SPAG16: variants seen among roughly 807,000 people sequenced by gnomAD.
SPAG16 encodes sperm associated antigen 16.
SPAG16 carries 86 observed loss-of-function variants against 80.4 expected under a neutral mutation model. The observed-to-expected ratio is 1.07, with a 90% confidence interval of 0.90 to 1.28. The LOEUF (loss-of-function observed/expected upper bound fraction) is 1.28. Among genes scored for constraint, SPAG16 ranks in the 50% most tolerant of loss-of-function variants. The pLI is 0.00. For missense variants in SPAG16, 870 were observed against 765.3 expected, an observed-to-expected ratio of 1.14 and a Z score of -1.61; for synonymous variants, 294 against 265.9, an observed-to-expected ratio of 1.11 and a Z score of -1.03.
At chr2:213,313,304 A>C (rs1017610107) in intron 4 of SPAG16, among the ~76,000 whole-genome samples, 1 of 151,946 alleles carries the variant, frequency 6.6e-6, no homozygotes, top group East Asian at 1.9e-4. Context: ...TAACATGTTT[A>C]TTAAATATGA....
chr2:213,326,926 G>A (rs563368603), intron 5 of SPAG16, among the ~76,000 whole-genome samples: 6 of 151,888 alleles, frequency 4.0e-5, no homozygotes, highest in South Asian at 4.1e-4. Context: ...TGAAAATGGA[G>A]TTTTGGGGCA....
At chr2:213,405,613 C>A (rs2068571180) in intron 9 of SPAG16, among the ~76,000 whole-genome samples, 1 of 152,162 alleles carries the variant, frequency 6.6e-6, no homozygotes, top group African/African-American at 2.4e-5. Flanking sequence ...ATTAACCAAC[C>A]TCTCTGCCTT....
chr2:214,272,697 G>C (rs1158118874), intron 15 of SPAG16, among the ~76,000 whole-genome samples: 3 of 152,184 alleles, frequency 2.0e-5, no homozygotes, highest in Non-Finnish European at 2.9e-5. Flanking sequence ...ATCACTGATG[G>C]ATAGTTGGGT....
intron 11 of SPAG16, among the ~76,000 whole-genome samples, chr2:213,874,303 C>T: frequency 6.6e-6 from 1 of 152,226 alleles, no homozygotes; most frequent in Middle Eastern, 3.4e-3. Context: ...ACTTTATAAA[C>T]TATTTAATTT....
At chr2:213,681,293 G>A (rs1163695552) in intron 10 of SPAG16, among the ~76,000 whole-genome samples, 1 of 152,166 alleles carries the variant, frequency 6.6e-6, no homozygotes, top group East Asian at 1.9e-4. Context: ...TGAAAAGTAA[G>A]TCACAATATA....
At chr2:214,004,128 G>GTA (rs2046920417) in intron 12 of SPAG16, among the ~76,000 whole-genome samples, 1 of 152,222 alleles carries the variant, frequency 6.6e-6, no homozygotes, top group African/African-American at 2.4e-5. Context: ...AGGGCTGTGA[G>GTA]TATAATTTGG....
At chr2:213,696,680 CTG>C (rs1440905568) in intron 10 of SPAG16, among the ~76,000 whole-genome samples, 1 of 152,188 alleles carries the variant, frequency 6.6e-6, no homozygotes, top group African/African-American at 2.4e-5. Context: ...AAATGACCAA[CTG>C]TTTAGCTGAG....
At chr2:213,305,807 CT>C (rs1275107333) in intron 3 of SPAG16, among the ~76,000 whole-genome samples, 1 of 151,976 alleles carries the variant, frequency 6.6e-6, no homozygotes, top group Non-Finnish European at 1.5e-5. Flanking sequence ...GAATATTGGC[CT>C]TTTAACATGT....
At chr2:213,888,038 T>A (rs1256678699) in intron 11 of SPAG16, among the ~76,000 whole-genome samples, 1 of 151,932 alleles carries the variant, frequency 6.6e-6, no homozygotes, top group Non-Finnish European at 1.5e-5. Flanking sequence ...GCATTTTTAT[T>A]TAGTTTGTAT....
intron 9 of SPAG16, among the ~76,000 whole-genome samples, chr2:213,449,571 C>T (rs1456522871): frequency 6.6e-6 from 1 of 152,188 alleles, no homozygotes; most frequent in Non-Finnish European, 1.5e-5. Context: ...TACTGTCTCT[C>T]TTTATTTCTC....
chr2:213,860,342 G>GATATAT (rs57174578), intron 10 of SPAG16, among the ~76,000 whole-genome samples: 209 of 141,564 alleles, frequency 1.5e-3, no homozygotes, highest in African/African-American at 4.9e-3. Flanking sequence ...GTCATTTACA[G>GATATAT]ATATATATAT....
intron 15 of SPAG16, among the ~76,000 whole-genome samples, chr2:214,353,778 C>T (rs1001549910): frequency 2.0e-5 from 3 of 152,078 alleles, no homozygotes; most frequent in Admixed American, 1.3e-4. Flanking sequence ...CAGTGTAACC[C>T]GTAATTGCAA....
chr2:214,212,630 G>T (rs2058325208), intron 15 of SPAG16, among the ~76,000 whole-genome samples: 1 of 152,102 alleles, frequency 6.6e-6, no homozygotes, highest in Admixed American at 6.6e-5. Flanking sequence ...CTCCAGAAGG[G>T]CAGACTAAAG....
At chr2:213,375,246 G>A (rs1372414857) in intron 9 of SPAG16, 127 bp downstream of exon 9, 9 of 650,692 alleles carry the variant, frequency 1.4e-5, no homozygotes, top group Non-Finnish European at 2.3e-5. Flanking sequence ...GGGCTGCTTG[G>A]TTTATACATG....
intron 10 of SPAG16, among the ~76,000 whole-genome samples, chr2:213,540,291 C>G (rs1575894269): frequency 6.6e-6 from 1 of 151,934 alleles, no homozygotes; most frequent in Non-Finnish European, 1.5e-5. Flanking sequence ...ACCTTGTGAT[C>G]CACACGCCTT....
intron 15 of SPAG16, among the ~76,000 whole-genome samples, chr2:214,373,959 A>G (rs1263402188): frequency 2.0e-5 from 3 of 152,194 alleles, no homozygotes; most frequent in Admixed American, 6.5e-5. Context: ...GGCAAGTAAC[A>G]CAGACATGGT....
intron 13 of SPAG16, 55 bp from the exon 14 acceptor site, chr2:214,108,141 C>T: frequency 7.2e-7 from 1 of 1,386,050 alleles, no homozygotes; most frequent in Non-Finnish European, 1.0e-6. Context: ...CTTTGAATTC[C>T]TTTTTACGTT....
At chr2:213,472,490 A>T (rs533244124) in intron 9 of SPAG16, among the ~76,000 whole-genome samples, 1 of 152,260 alleles carries the variant, frequency 6.6e-6, no homozygotes, top group African/African-American at 2.4e-5. Flanking sequence ...TGAGTCCTTG[A>T]TGGTGGCACT....
chr2:214,017,484 A>G (rs1197588076), intron 13 of SPAG16, among the ~76,000 whole-genome samples: 2 of 152,156 alleles, frequency 1.3e-5, no homozygotes, highest in Non-Finnish European at 2.9e-5. Context: ...GTTCTAGGAA[A>G]GTCTATATCT....
Sources: allele counts gnomAD v4.1 joint callset (sites outside exome capture counted in the v4.1 genomes callset), GRCh38; gene constraint gnomAD v4.1.1; transcripts MANE v1.5; gene names NCBI Gene and HGNC (gene_info 2026-07-23, HGNC 2026-07-21).